Variants in FSTL5 observed in about 807,000 individuals in gnomAD.
FSTL5 encodes follistatin like 5, also known as follistatin-related protein 5.
Under a neutral mutation model 89.1 loss-of-function variants are expected in FSTL5, and 62 were observed. That is an observed-to-expected ratio of 0.70 (90% confidence interval 0.57 to 0.86). The LOEUF is 0.86. Among genes scored for constraint, FSTL5 ranks in the 40% least tolerant of loss-of-function variants. The pLI, the probability that FSTL5 is intolerant of heterozygous loss-of-function variation, is 0.00. For missense variants in FSTL5, 1,057 were observed against 1,001.6 expected (o/e 1.06, Z -0.75); for synonymous variants, 383 against 346.2 (o/e 1.11, Z -1.18).
chr4:161,850,636 C>T (rs1475496557), intron 4 of FSTL5, among the ~76,000 whole-genome samples: 1 of 152,088 alleles, frequency 6.6e-6, no homozygotes, highest in Non-Finnish European at 1.5e-5. Context: ...GAATTGTTGT[C>T]TAAGGCTGAT....
rs1396303615 is a variant in FSTL5, at chr4:161,385,441, C to A, written c.*306G>T. 4.1e-6 allele frequency: 1 copy of A among 245,810 alleles called. No homozygotes were observed. Among genetic ancestry groups the A allele is most frequent in the Non-Finnish European group, 7.8e-6 (1 of 128,518 alleles). The allele number at this position is 245,810 out of a possible 1,614,324, so 15.2% of individuals were successfully genotyped here. A position where few individuals can be genotyped will look rare whatever the true frequency, so the allele number is the denominator to read the frequency against. On this transcript the variant is annotated 3_prime_UTR_variant, in exon 16 of 16. Transcript: ENST00000306100. Reference sequence around the variant, plus strand: ...TAATGCTTTATGTCATCTGAAATTCCCTGCAGTTTAGTTTTTTAAATGATT... The same window carrying A: ...TAATGCTTTATGTCATCTGAAATTCACTGCAGTTTAGTTTTTTAAATGATT...
intron 15 of FSTL5, among the ~76,000 whole-genome samples, chr4:161,409,397 T>A (rs1037599836): frequency 2.6e-5 from 4 of 152,200 alleles, no homozygotes; most frequent in Non-Finnish European, 4.4e-5. Flanking sequence ...TATTATTATT[T>A]TTTTGAGATG....
chr4:162,049,951 T>A (rs1338796084), intron 2 of FSTL5, among the ~76,000 whole-genome samples: 1 of 151,890 alleles, frequency 6.6e-6, no homozygotes, highest in Non-Finnish European at 1.5e-5. Context: ...AATAGCAGGA[T>A]AAATGAAGCT....
chr4:161,663,171 A>T (rs1297368485), intron 6 of FSTL5, among the ~76,000 whole-genome samples: 1 of 152,030 alleles, frequency 6.6e-6, no homozygotes, highest in Non-Finnish European at 1.5e-5. Context: ...AAATCATATC[A>T]TTCCTCCTCT....
At chr4:161,596,820 A>T (rs1188611572) in intron 7 of FSTL5, among the ~76,000 whole-genome samples, 1 of 152,146 alleles carries the variant, frequency 6.6e-6, no homozygotes, top group South Asian at 2.1e-4. Flanking sequence ...AGCTGCAGGT[A>T]TTTCTCCTGT....
At chr4:162,129,028 G>A (rs371583867) in intron 1 of FSTL5, among the ~76,000 whole-genome samples, 3 of 151,474 alleles carry the variant, frequency 2.0e-5, no homozygotes, top group Non-Finnish European at 4.4e-5. Flanking sequence ...GGGTTCAAGC[G>A]ATTCTCCTGT....
intron 4 of FSTL5, among the ~76,000 whole-genome samples, chr4:161,826,632 T>C (rs1037415425): frequency 6.6e-6 from 1 of 152,222 alleles, no homozygotes; most frequent in African/African-American, 2.4e-5. Context: ...AGTCCTTTTA[T>C]CATTATGTAA....
intron 15 of FSTL5, among the ~76,000 whole-genome samples, chr4:161,410,074 A>G (rs1176976820): frequency 6.6e-6 from 1 of 152,222 alleles, no homozygotes; most frequent in Non-Finnish European, 1.5e-5. Flanking sequence ...AAGAAAAGCC[A>G]GAGTTGCTGT....
chr4:161,410,988 T>TTAA (rs777826812), intron 15 of FSTL5, among the ~76,000 whole-genome samples: 2 of 149,112 alleles, frequency 1.3e-5, no homozygotes, highest in Non-Finnish European at 3.0e-5. Flanking sequence ...CCTTTAGCTA[T>TTAA]CAATCAGAAA....
chr4:161,427,608 C>T (rs762232537), intron 15 of FSTL5, among the ~76,000 whole-genome samples: 2 of 152,182 alleles, frequency 1.3e-5, no homozygotes, highest in Non-Finnish European at 2.9e-5. Flanking sequence ...AATTATTCAG[C>T]TCCCTCTCCA....
chr4:162,023,804 G>T (rs1055500882), intron 3 of FSTL5, among the ~76,000 whole-genome samples: 2 of 152,144 alleles, frequency 1.3e-5, no homozygotes, highest in African/African-American at 4.8e-5. Context: ...TGCATTATCA[G>T]AATTAACCAT....
At chr4:161,761,314 C>T (rs187916389) in intron 5 of FSTL5, among the ~76,000 whole-genome samples, 1 of 152,232 alleles carries the variant, frequency 6.6e-6, no homozygotes, top group East Asian at 1.9e-4. Flanking sequence ...CTCAGTCATT[C>T]TCCATTTGCT....
intron 7 of FSTL5, among the ~76,000 whole-genome samples, chr4:161,625,930 G>C (rs141677607): frequency 1.9e-3 from 283 of 152,198 alleles, no homozygotes; most frequent in African/African-American, 6.7e-3. Context: ...AACTAATCCA[G>C]AGAAAGGCTG....
intron 3 of FSTL5, among the ~76,000 whole-genome samples, chr4:161,971,295 A>G (rs1735475327): frequency 6.6e-6 from 1 of 152,192 alleles, no homozygotes; most frequent in South Asian, 2.1e-4. Flanking sequence ...AAACATTGAT[A>G]TATTAGAATT....
intron 3 of FSTL5, among the ~76,000 whole-genome samples, chr4:162,029,287 G>T (rs1737426460): frequency 6.6e-6 from 1 of 151,726 alleles, no homozygotes; most frequent in Non-Finnish European, 1.5e-5. Flanking sequence ...ATTTTCCTAT[G>T]GTTTCATATA....
At position 162,117,504 on chromosome 4, in the gene FSTL5, A is replaced by G. The variant is rs1039181142; in HGVS notation, c.-16-6092T>C. On this transcript the variant is annotated intron_variant, in intron 1 of 15. Coordinates refer to ENST00000306100, the MANE Select transcript of FSTL5 (RefSeq NM_020116.5). ...GGTTCTTAACATTTATAAATCATCC[A>G]ATCTAGGTGCGAGACAGGAGAAGGA... Among the ~76,000 whole-genome samples, 10 of 152,192 alleles carry G rather than the reference A, an allele frequency of 6.6e-5. No homozygotes were observed. In the South Asian group the frequency reaches 1.5e-3, roughly 22 times the overall value.
intron 9 of FSTL5, among the ~76,000 whole-genome samples, chr4:161,541,658 C>T (rs2126543742): frequency 6.6e-6 from 1 of 151,854 alleles, no homozygotes; most frequent in East Asian, 1.9e-4. Context: ...TTATATATAT[C>T]CACTATTAAA....
At chr4:161,865,022 C>A (rs1005304776) in intron 4 of FSTL5, among the ~76,000 whole-genome samples, 1 of 151,738 alleles carries the variant, frequency 6.6e-6, no homozygotes. Context: ...ATCAGAGATA[C>A]GCAGAGTTAC....
At chr4:161,638,749 A>G (rs1735829426) in intron 7 of FSTL5, among the ~76,000 whole-genome samples, 1 of 134,738 alleles carries the variant, frequency 7.4e-6, no homozygotes, top group Non-Finnish European at 1.6e-5. Context: ...AAAATCCTCA[A>G]TAAAATACTG....
Sources: allele counts gnomAD v4.1 joint callset (sites outside exome capture counted in the v4.1 genomes callset), GRCh38; gene constraint gnomAD v4.1.1; transcripts MANE v1.5; gene names NCBI Gene and HGNC (gene_info 2026-07-23, HGNC 2026-07-21).